FER1L6: variants seen among roughly 807,000 people sequenced by gnomAD.
FER1L6 encodes the protein fer-1 like family member 6.
A neutral mutation model predicts 219.2 loss-of-function variants in FER1L6; 177 were observed. The observed-to-expected ratio is 0.81, with a 90% CI of 0.71 to 0.91. The LOEUF is 0.91. FER1L6 is among the 40% of genes least tolerant of loss of function. FER1L6 has a pLI of 0.00. For synonymous variants in FER1L6, 768 were observed against 824.3 expected (o/e 0.93, Z 1.17); for missense variants, 2,153 against 2,259.9 (o/e 0.95, Z 0.96).
chr8:124,044,160 T>G (rs951353602), intron 20 of FER1L6, among the ~76,000 whole-genome samples: 1 of 152,232 alleles, frequency 6.6e-6, no homozygotes, highest in Non-Finnish European at 1.5e-5. Flanking sequence ...GTCAAGTGCA[T>G]GCTACAAGAC....
intron 13 of FER1L6, 106 bp from the exon 14 acceptor site, chr8:124,010,488 A>G (rs142590231): frequency 1.1e-5 from 15 of 1,356,882 alleles, no homozygotes; most frequent in South Asian, 8.5e-5. Flanking sequence ...TTTTTTCATC[A>G]TGCCTCCCGA....
chr8:123,870,094 A>G (rs1042733410), intron 1 of FER1L6, among the ~76,000 whole-genome samples: 2 of 152,238 alleles, frequency 1.3e-5, no homozygotes, highest in Admixed American at 1.3e-4. Context: ...AAGTAAACAA[A>G]AATGAGATTC....
chr8:124,097,730 C>A, intron 36 of FER1L6, 55 bp from the exon 37 acceptor site: 1 of 962,700 alleles, frequency 1.0e-6, no homozygotes, highest in Non-Finnish European at 1.7e-6. Flanking sequence ...CACACAGACA[C>A]CAACTGACTC....
intron 18 of FER1L6, among the ~76,000 whole-genome samples, chr8:124,026,071 A>G (rs1818694387): frequency 6.6e-6 from 1 of 152,164 alleles, no homozygotes; most frequent in Non-Finnish European, 1.5e-5. Flanking sequence ...GAGTCCCCAG[A>G]TGCCTTCTGG....
rs1194684990 is a variant in FER1L6, at chr8:123,853,547, A to C, written c.-8+1362A>C. On this transcript the variant is annotated intron_variant, in intron 1 of 40. Coordinates refer to ENST00000522917, the MANE Select transcript of FER1L6 (RefSeq NM_001039112.2). The surrounding 1 kb of genome is among the most constrained non-coding windows in gnomAD (Gnocchi z 6.6). ...GATGATTTGGACCCAAGGCTGTTGA[A>C]AAATTGTTACTTTTTTCCTGGGGTA... 6.6e-6 allele frequency among the ~76,000 whole-genome samples: 1 copy of C among 152,250 alleles called. No homozygotes were observed. The highest frequency in any genetic ancestry group is 2.4e-5 in the African/African-American group (1 of 41,472).
At chr8:124,040,992 C>G (rs564610103) in intron 20 of FER1L6, among the ~76,000 whole-genome samples, 1 of 152,304 alleles carries the variant, frequency 6.6e-6, no homozygotes, top group South Asian at 2.1e-4. Flanking sequence ...TTCTCCCTAT[C>G]CTATACAACT....
Position 124,064,350 on chromosome 8 carries a change from T to C in FER1L6, c.3332T>C (p.Ile1111Thr), listed in dbSNP as rs763733767. The C allele has an allele frequency of 1.9e-6, 3 of 1,612,446 alleles. No homozygotes were observed. Among genetic ancestry groups the C allele is most frequent in the Non-Finnish European group, 2.5e-6 (3 of 1,179,356 alleles). Residue 1111 changes from isoleucine to threonine, a missense_variant, in exon 26 of 41, where the codon ATT (isoleucine) becomes ACT (threonine). Coordinates refer to ENST00000522917, the MANE Select transcript of FER1L6 (RefSeq NM_001039112.2). ...QVDGTQPGHD[I>T]SDSLTATESS... ...ACCTGATGTGCTTTCATTTCAGATA[T>C]TTCAGATTCGCTAACAGCCACTGAG... is the stretch of plus-strand genomic sequence containing the variant.
At position 123,852,471 on chromosome 8, in the gene FER1L6, C is replaced by CGTGTGT. The variant is rs61303449; in HGVS notation, c.-8+323_-8+328dup. Among the ~76,000 whole-genome samples, 3,199 of 140,000 alleles carry CGTGTGT rather than the reference C, an allele frequency of 0.023. 40 individuals are homozygous for CGTGTGT. Among genetic ancestry groups the CGTGTGT allele is most frequent in the Non-Finnish European group, 0.033 (2,154 of 64,956 alleles). The allele number at this position is 140,000 out of a possible 152,430, so 91.8% of individuals were successfully genotyped here. A position where few individuals can be genotyped will look rare whatever the true frequency, so the allele number is the denominator to read the frequency against. On this transcript the variant is annotated intron_variant, in intron 1 of 40. Coordinates refer to ENST00000522917, the MANE Select transcript of FER1L6 (RefSeq NM_001039112.2). This position sits in a 1 kb window ranked among gnomAD's most constrained non-coding sequence, Gnocchi z 4.9. Reference sequence around the variant, plus strand: ...GCTTGAACTCCATGTTGTGAGCATGCGTGTGTGTGTGTGTGTGTGTGTGTG... The same window carrying CGTGTGT: ...GCTTGAACTCCATGTTGTGAGCATGCGTGTGTGTGTGTGTGTGTGTGTGTGTGTGTG...
chr8:123,973,134 A>T (rs1237418138), intron 6 of FER1L6, among the ~76,000 whole-genome samples: 2 of 152,198 alleles, frequency 1.3e-5, no homozygotes, highest in African/African-American at 4.8e-5. Flanking sequence ...GTATTGAAAG[A>T]TAGGGAAAAT....
intron 28 of FER1L6, among the ~76,000 whole-genome samples, 197 bp from the exon 29 acceptor site, chr8:124,069,163 C>T (rs187672268): frequency 6.6e-6 from 1 of 152,100 alleles, no homozygotes; most frequent in African/African-American, 2.4e-5. Context: ...GTCTCGATCT[C>T]CTGACCTTGT....
intron 1 of FER1L6, among the ~76,000 whole-genome samples, chr8:123,943,209 C>T (rs1344684822): frequency 6.6e-6 from 1 of 152,172 alleles, no homozygotes; most frequent in Non-Finnish European, 1.5e-5. Flanking sequence ...GTGAAATAAA[C>T]AGTAAAAACA....
At chr8:124,048,830 C>G (rs1819853134) in intron 21 of FER1L6, among the ~76,000 whole-genome samples, 1 of 152,248 alleles carries the variant, frequency 6.6e-6, no homozygotes, top group Non-Finnish European at 1.5e-5. Flanking sequence ...AAACTGAAGT[C>G]TGCCTGGCTC....
chr8:123,894,259 C>T (rs187226003), intron 1 of FER1L6, among the ~76,000 whole-genome samples: 26 of 152,270 alleles, frequency 1.7e-4, no homozygotes, highest in Middle Eastern at 3.4e-3. Context: ...TTACCCTTTC[C>T]GAGTTCCTAT....
chr8:123,953,069 C>T (rs1814842241), intron 1 of FER1L6, among the ~76,000 whole-genome samples: 1 of 152,164 alleles, frequency 6.6e-6, no homozygotes, highest in Non-Finnish European at 1.5e-5. Context: ...TTTCTACCTC[C>T]CAATCTGCCA....
intron 26 of FER1L6, 91 bp from the exon 27 acceptor site, chr8:124,066,337 C>A: frequency 6.8e-7 from 1 of 1,465,574 alleles, no homozygotes; most frequent in Non-Finnish European, 9.3e-7. Context: ...CCAGTGGACA[C>A]CTAAATGTTT....
chr8:124,097,996 CCA>C, intron 37 of FER1L6, 113 bp downstream of exon 37: 1 of 559,946 alleles, frequency 1.8e-6, no homozygotes, highest in Non-Finnish European at 3.2e-6. Flanking sequence ...ACAAAGTGAG[CCA>C]TCTTACTTTT....
chr8:123,977,266 T>A, intron 9 of FER1L6, 151 bp from the exon 10 acceptor site: 1 of 696,872 alleles, frequency 1.4e-6, no homozygotes, highest in East Asian at 2.6e-5. Context: ...AGGTCATCAG[T>A]CACGTTCGCT....
intron 1 of FER1L6, among the ~76,000 whole-genome samples, chr8:123,855,873 T>TTAATG (rs201356552): frequency 0.011 from 1,530 of 144,070 alleles, 48 homozygotes; most frequent in African/African-American, 0.039. Flanking sequence ...ATATTATGTA[T>TTAATG]TAATGTATAT....
At chr8:123,874,763 C>A (rs960142891) in intron 1 of FER1L6, among the ~76,000 whole-genome samples, 1 of 152,232 alleles carries the variant, frequency 6.6e-6, no homozygotes, top group African/African-American at 2.4e-5. Context: ...GGTTTACCTT[C>A]TCTCTCCTGA....
Sources: allele counts gnomAD v4.1 joint callset (sites outside exome capture counted in the v4.1 genomes callset), GRCh38; gene constraint gnomAD v4.1.1; non-coding constraint Gnocchi (gnomAD v3.1); transcripts MANE v1.5; gene names NCBI Gene and HGNC (gene_info 2026-07-23, HGNC 2026-07-21).